DDAH1: variants seen among roughly 807,000 people sequenced by gnomAD.
DDAH1 encodes N(G),N(G)-dimethylarginine dimethylaminohydrolase 1.
DDAH1 carries 19 observed loss-of-function variants against 28.8 expected under a neutral mutation model. The ratio of observed to expected loss-of-function variants is 0.66; its 90% CI spans 0.46 to 0.97. The LOEUF is 0.97. Among genes scored for constraint, DDAH1 ranks in the 50% least tolerant of loss-of-function variants. DDAH1 has a pLI of 0.00. For synonymous variants in DDAH1, 153 were observed against 154.4 expected, an observed-to-expected ratio of 0.99 and a Z score of 0.07; for missense variants, 326 against 375.9, an observed-to-expected ratio of 0.87 and a Z score of 1.10.
intron 1 of DDAH1, among the ~76,000 whole-genome samples, chr1:85,559,784 A>G (rs1288668015): frequency 1.4e-5 from 2 of 144,786 alleles, no homozygotes; most frequent in East Asian, 4.1e-4. Flanking sequence ...TATACCCAAA[A>G]TGAAGCACAC....
intron 1 of DDAH1, chr1:85,435,399 T>C (rs1282828875): frequency 2.6e-5 from 4 of 152,244 alleles, no homozygotes; most frequent in Non-Finnish European, 5.9e-5. Flanking sequence ...TATTCTTTCA[T>C]TCACTAAATA....
At chr1:85,353,842 A>G (rs776819232) in intron 2 of DDAH1, among the ~76,000 whole-genome samples, 4 of 152,212 alleles carry the variant, frequency 2.6e-5, no homozygotes, top group Non-Finnish European at 4.4e-5. Context: ...GGGAGGAAGA[A>G]AATTTCCACA....
rs1033043392 is a variant in DDAH1, at chr1:85,388,652, C to T, written c.304-29805G>A. ...AAAAATCATGAAAATGTCATTATAA[C>T]AACCCAGAGCCATCTCCTCTTTGGC... On this transcript the variant is annotated intron_variant, in intron 1 of 5. Coordinates refer to ENST00000284031, the MANE Select transcript of DDAH1 (RefSeq NM_012137.4). 2.0e-5 allele frequency among the ~76,000 whole-genome samples: 3 copies of T among 152,126 alleles called. No homozygotes were observed. In the East Asian group the frequency reaches 5.8e-4, roughly 29 times the overall value.
intron 1 of DDAH1, among the ~76,000 whole-genome samples, chr1:85,425,176 T>C (rs891327348): frequency 6.6e-6 from 1 of 152,170 alleles, no homozygotes; most frequent in African/African-American, 2.4e-5. Context: ...AGTTCTTTCA[T>C]GTTGAAACCA....
intron 1 of DDAH1, among the ~76,000 whole-genome samples, chr1:85,428,389 G>A (rs1653512077): frequency 6.6e-6 from 1 of 152,100 alleles, no homozygotes. Flanking sequence ...TGTGTGTGTA[G>A]GGGAACTGCC....
At chr1:85,518,940 GCT>G (rs1657569431) in intron 1 of DDAH1, among the ~76,000 whole-genome samples, 1 of 152,094 alleles carries the variant, frequency 6.6e-6, no homozygotes, top group Admixed American at 6.5e-5. Context: ...CATCATCATT[GCT>G]ATGTAGCCAT....
chr1:85,572,558 T>C (rs1659491223), intron 1 of DDAH1, among the ~76,000 whole-genome samples: 1 of 152,248 alleles, frequency 6.6e-6, no homozygotes, highest in Non-Finnish European at 1.5e-5. Flanking sequence ...GAGTTGTTTA[T>C]AAAGATCTGA....
intron 1 of DDAH1, among the ~76,000 whole-genome samples, chr1:85,401,906 A>C (rs1652128674): frequency 6.6e-6 from 1 of 152,220 alleles, no homozygotes; most frequent in Admixed American, 6.5e-5. Context: ...TTACTATCTT[A>C]CTTAAAAGAA....
chr1:85,499,111 A>C (rs1656703708), intron 1 of DDAH1, among the ~76,000 whole-genome samples: 1 of 145,386 alleles, frequency 6.9e-6, no homozygotes, highest in African/African-American at 2.6e-5. Context: ...TATCAAACTG[A>C]ATAAAAAAAC....
intron 1 of DDAH1, among the ~76,000 whole-genome samples, chr1:85,540,410 G>A (rs552558260): frequency 2.0e-5 from 3 of 152,046 alleles, no homozygotes; most frequent in Non-Finnish European, 4.4e-5. Flanking sequence ...CCACTCCTTT[G>A]TTAACTCTTT....
chr1:85,463,557 C>T (rs1655219349), intron 1 of DDAH1, among the ~76,000 whole-genome samples: 1 of 152,168 alleles, frequency 6.6e-6, no homozygotes, highest in Non-Finnish European at 1.5e-5. Flanking sequence ...TTTTGGTTTT[C>T]TGTTAATGGA....
intron 2 of DDAH1, among the ~76,000 whole-genome samples, chr1:85,488,803 C>T (rs1263902850): frequency 2.0e-5 from 3 of 152,094 alleles, no homozygotes; most frequent in Non-Finnish European, 2.9e-5. Context: ...TGAGGTTAGA[C>T]ATAAACTGGA....
At chr1:85,477,947 A>G (rs950949189) in intron 2 of DDAH1, among the ~76,000 whole-genome samples, 11 of 152,082 alleles carry the variant, frequency 7.2e-5, no homozygotes, top group Non-Finnish European at 1.5e-4. Context: ...AATATATTAA[A>G]CATAATTGCA....
At chr1:85,479,189 C>T (rs12083474) in intron 2 of DDAH1, among the ~76,000 whole-genome samples, 3,555 of 99,214 alleles carry the variant, frequency 0.036, 114 homozygotes, top group Middle Eastern at 0.18. Flanking sequence ...TTTTTTGAGA[C>T]GGAGTCTTGC....
chr1:85,338,237 CAT>C (rs1318875543), intron 4 of DDAH1, among the ~76,000 whole-genome samples: 4 of 152,118 alleles, frequency 2.6e-5, no homozygotes, highest in Admixed American at 6.5e-5. Flanking sequence ...TTTTAATATA[CAT>C]ATGTTATCAA....
intron 1 of DDAH1, among the ~76,000 whole-genome samples, chr1:85,512,222 C>T (rs1410433687): frequency 6.6e-6 from 1 of 152,190 alleles, no homozygotes; most frequent in Non-Finnish European, 1.5e-5. Context: ...CATAATCCAT[C>T]ACATAAACAG....
rs569063294 is a variant in DDAH1 at position 85,493,230 on chromosome 1, A to ATGCCTAC, written c.-7+2929_-7+2935dup. Among the ~76,000 whole-genome samples, 4 of 152,246 alleles carry ATGCCTAC rather than the reference A, an allele frequency of 2.6e-5. No individual in the cohort carries two copies. In the South Asian group the frequency reaches 8.3e-4, roughly 32 times the overall value. ...AAAAGTATTGTGGGCCCCAGGTGCT[A>ATGCCTAC]TGCCTACCTTGCTTAGGGATAAGTC... is the stretch of plus-strand genomic sequence containing the variant. On this transcript the variant is annotated intron_variant, in intron 2 of 6. Coordinates refer to the DDAH1 transcript ENST00000426972.
chr1:85,444,438 T>C (rs1241886215), intron 1 of DDAH1, among the ~76,000 whole-genome samples: 6 of 152,182 alleles, frequency 3.9e-5, no homozygotes. Context: ...TTGAGGACTT[T>C]TGCATTGATG....
rs1658171644 is a variant in DDAH1, at chr1:85,533,713, G to A, written c.-122-37432C>T. Among the ~76,000 whole-genome samples the A allele has an allele frequency of 2.6e-5, 4 of 152,154 alleles. No homozygotes were observed. The South Asian group carries it at 8.3e-4, about 32-fold the overall frequency. On this transcript the variant is annotated intron_variant, in intron 1 of 6. Coordinates refer to the DDAH1 transcript ENST00000426972. Reference sequence around the variant, plus strand: ...TAGCATGGGCTCACTAATTAGATATGTGACCTAGTGCAAGATACCTATTCT... The same window carrying A: ...TAGCATGGGCTCACTAATTAGATATATGACCTAGTGCAAGATACCTATTCT...
Sources: allele counts gnomAD v4.1 joint callset (sites outside exome capture counted in the v4.1 genomes callset), GRCh38; gene constraint gnomAD v4.1.1; transcripts MANE v1.5; gene names NCBI Gene and HGNC (gene_info 2026-07-23, HGNC 2026-07-21).